UTRN: variants seen among roughly 807,000 people sequenced by gnomAD.
UTRN encodes the protein utrophin.
In UTRN, 283 loss-of-function variants were observed where a neutral mutation model predicts 463.9. That is an observed-to-expected ratio of 0.61 (90% CI 0.55 to 0.67). The LOEUF is 0.67. Ranked by LOEUF, UTRN falls within the 30% of genes least tolerant of loss-of-function variation. UTRN has a pLI of 0.00. For synonymous variants in UTRN, 1,442 were observed against 1,431.5 expected (o/e 1.01, Z -0.17); for missense variants, 3,922 against 4,084.3 (o/e 0.96, Z 1.08).
intron 2 of UTRN, among the ~76,000 whole-genome samples, chr6:144,310,676 G>A (rs1053160484): frequency 1.3e-5 from 2 of 152,176 alleles, no homozygotes; most frequent in African/African-American, 2.4e-5. Context: ...TACTGGGGAG[G>A]CTGAGGCACA....
At chr6:144,318,298 A>G (rs975983688) in intron 2 of UTRN, among the ~76,000 whole-genome samples, 6 of 151,818 alleles carry the variant, frequency 4.0e-5, no homozygotes, top group Non-Finnish European at 7.4e-5. Flanking sequence ...ATTTTTATTT[A>G]TTTATTTATT....
At chr6:144,326,638 A>G (rs1775990053) in intron 2 of UTRN, among the ~76,000 whole-genome samples, 1 of 152,218 alleles carries the variant, frequency 6.6e-6, no homozygotes, top group African/African-American at 2.4e-5. Context: ...ACTAGGAGCG[A>G]GCCGACTTTC....
intron 51 of UTRN, among the ~76,000 whole-genome samples, chr6:144,613,970 T>C (rs1445711258): frequency 2.6e-5 from 4 of 152,212 alleles, no homozygotes; most frequent in African/African-American, 9.6e-5. Flanking sequence ...CTCATCAGAT[T>C]GTCATTGATT....
chr6:144,768,964 T>TTG (rs1554382279), intron 58 of UTRN, among the ~76,000 whole-genome samples: 1 of 148,136 alleles, frequency 6.8e-6, no homozygotes, highest in African/African-American at 2.6e-5. Context: ...TTTTGTTTTT[T>TTG]TTTTTTTAAT....
At chr6:144,762,584 T>C (rs1002224082) in intron 58 of UTRN, among the ~76,000 whole-genome samples, 3 of 152,200 alleles carry the variant, frequency 2.0e-5, no homozygotes, top group African/African-American at 7.2e-5. Flanking sequence ...AGTTTCACAC[T>C]GTGGTCTGGT....
chr6:144,758,059 T>C, intron 58 of UTRN, 70 bp downstream of exon 58: 1 of 1,374,366 alleles, frequency 7.3e-7, no homozygotes, highest in Non-Finnish European at 1.0e-6. Flanking sequence ...AAGAGGCTTC[T>C]CTCCCCATAA....
At chr6:144,835,997 T>C (rs1781070392) in intron 70 of UTRN, 59 bp downstream of exon 70, 1 of 1,579,152 alleles carries the variant, frequency 6.3e-7, no homozygotes, top group Admixed American at 1.8e-5. Flanking sequence ...AATTTCACTG[T>C]AGCCCCCATT....
rs540025310 is a variant in UTRN at position 144,793,262 on chromosome 6, G to A, written c.8921-572G>A. 4.6e-5 allele frequency among the ~76,000 whole-genome samples: 7 copies of A among 151,786 alleles called. No homozygotes were observed. The South Asian group carries it at 6.3e-4, about 14-fold the overall frequency. ...TTTAAAGGTTTGTTATTTAAGGTACGTTTATTCCTTTGTGTTTTTTTATTT... is the reference window on the plus strand; with the variant it reads ...TTTAAAGGTTTGTTATTTAAGGTACATTTATTCCTTTGTGTTTTTTTATTT... On this transcript the variant is annotated intron_variant, in intron 62 of 74. Transcript: ENST00000367545.
At chr6:144,341,999 C>G (rs547951413) in intron 2 of UTRN, among the ~76,000 whole-genome samples, 96 of 152,330 alleles carry the variant, frequency 6.3e-4, no homozygotes, top group African/African-American at 2.3e-3. Context: ...TCCGTTCTGA[C>G]TAGGTGGTGC....
At position 144,657,775 on chromosome 6, in the gene UTRN, G is replaced by C. The variant is rs142320871; in HGVS notation, c.7480-20631G>C. ...TCTGTGCATGGGGGAATGGAATGGC[G>C]TGTTTGCACATGTCCCTGATCCCAG... is the stretch of plus-strand genomic sequence containing the variant. On this transcript the variant is annotated intron_variant, in intron 51 of 74. Transcript: ENST00000367545. Among the ~76,000 whole-genome samples the C allele has an allele frequency of 4.9e-3, 742 of 152,284 alleles. 7 individuals carry two copies. The highest frequency in any genetic ancestry group is 0.016 in the South Asian group (77 of 4,822).
chr6:144,739,294 G>A (rs953238156), intron 54 of UTRN, among the ~76,000 whole-genome samples: 3 of 152,082 alleles, frequency 2.0e-5, no homozygotes, highest in Non-Finnish European at 4.4e-5. Context: ...TCCACTTTAT[G>A]CCAGTATTAG....
chr6:144,688,373 A>G (rs527849892), intron 52 of UTRN, among the ~76,000 whole-genome samples: 1 of 152,272 alleles, frequency 6.6e-6, no homozygotes, highest in Admixed American at 6.5e-5. Flanking sequence ...GGTATTTCCA[A>G]AGATTTCATA....
chr6:144,400,693 C>G (rs1237039573), intron 2 of UTRN, among the ~76,000 whole-genome samples: 1 of 152,088 alleles, frequency 6.6e-6, no homozygotes. Flanking sequence ...CCATTTTTAA[C>G]TGTATCAAGA....
intron 3 of UTRN, among the ~76,000 whole-genome samples, chr6:144,408,215 A>G (rs1429872440): frequency 2.0e-5 from 3 of 152,230 alleles, no homozygotes; most frequent in Non-Finnish European, 4.4e-5. Flanking sequence ...AAAAGGGAAA[A>G]AGCACTGGCT....
Position 144,518,726 on chromosome 6 carries a change from A to G in UTRN, c.5541+1778A>G, listed in dbSNP as rs192502291. On this transcript the variant is annotated intron_variant, in intron 39 of 74. Coordinates refer to ENST00000367545, the MANE Select transcript of UTRN (RefSeq NM_007124.3). Reference sequence around the variant, plus strand: ...AAATTATTACTGGCACAAAATAGAAATAAGTTTTAAGCTTTTAATACATAA... The same window carrying G: ...AAATTATTACTGGCACAAAATAGAAGTAAGTTTTAAGCTTTTAATACATAA... 2.3e-3 allele frequency among the ~76,000 whole-genome samples: 346 copies of G among 152,320 alleles called. 2 individuals are homozygous for G. The highest frequency in any genetic ancestry group is 2.0e-3 in the Non-Finnish European group (138 of 68,008).
chr6:144,756,826 G>A (rs1294934415), intron 57 of UTRN, among the ~76,000 whole-genome samples: 1 of 152,074 alleles, frequency 6.6e-6, no homozygotes, highest in Admixed American at 6.6e-5. Context: ...TCACATCTGA[G>A]CTCGACCGTT....
chr6:144,674,168 T>C lies in UTRN; in HGVS notation c.7480-4238T>C, dbSNP rs117979637. ...GAATTTCCAAGGTGTTCTTTCAGCT[T>C]CTTGTATTTGGATGTCTAGATTTTT... On this transcript the variant is annotated intron_variant, in intron 51 of 74. Coordinates refer to ENST00000367545, the MANE Select transcript of UTRN (RefSeq NM_007124.3). Among the ~76,000 whole-genome samples, 3 of 152,258 alleles carry C rather than the reference T, an allele frequency of 2.0e-5. No individual in the cohort carries two copies. In the East Asian group the frequency reaches 5.8e-4, roughly 29 times the overall value.
chr6:144,396,780 T>C (rs541224074), intron 2 of UTRN, among the ~76,000 whole-genome samples: 42 of 152,254 alleles, frequency 2.8e-4, no homozygotes, highest in African/African-American at 9.9e-4. Flanking sequence ...CTTGATTTGA[T>C]TTATGGCACC....
At chr6:144,305,828 G>T (rs1267684598) in intron 2 of UTRN, among the ~76,000 whole-genome samples, 1 of 152,260 alleles carries the variant, frequency 6.6e-6, no homozygotes, top group African/African-American at 2.4e-5. Flanking sequence ...TTCCTGGACG[G>T]ATGCTCAGCT....
Sources: gnomAD v4.1 joint callset for allele counts (sites outside exome capture counted in the v4.1 genomes callset) on GRCh38, gnomAD v4.1.1 for gene constraint, MANE v1.5 for transcripts, NCBI Gene and HGNC (gene_info 2026-07-23, HGNC 2026-07-21) for gene names.